The following SYNE1 variants were observed in gnomAD, a reference collection of about 807,000 sequenced individuals.
SYNE1 encodes the protein spectrin repeat containing nuclear envelope protein 1.
SYNE1 carries 616 observed loss-of-function variants against 1,111.0 expected under a neutral mutation model. That is an observed-to-expected ratio of 0.55 (90% CI 0.52 to 0.59). The LOEUF (loss-of-function observed/expected upper bound fraction) is 0.59. SYNE1 is among the 20% of genes least tolerant of loss of function. The pLI, the probability that SYNE1 is intolerant of heterozygous loss-of-function variation, is 0.00. For missense variants in SYNE1, 10,006 were observed against 10,417.0 expected, an observed-to-expected ratio of 0.96 and a Z score of 1.72; for synonymous variants, 3,855 against 3,825.8, an observed-to-expected ratio of 1.01 and a Z score of -0.28.
Position 152,331,463 on chromosome 6 carries a change from C to T in SYNE1, c.13222G>A (p.Ala4408Thr), listed in dbSNP as rs368709678. Residue 4408 changes from alanine (A) to threonine (T), a missense_variant, in exon 78 of 146, where the codon GCA becomes ACA. Coordinates refer to ENST00000367255, the MANE Select transcript of SYNE1 (RefSeq NM_182961.4). ...QMLLKSLIKDADRVMADLGLN... is the reference protein window; with the variant it reads ...QMLLKSLIKDTDRVMADLGLN... ...CCAAGATCTGCCATGACCCTGTCTGCGTCCTTTATAAGCGATTTCAGGAGC... is the reference window on the plus strand; with the variant it reads ...CCAAGATCTGCCATGACCCTGTCTGTGTCCTTTATAAGCGATTTCAGGAGC... 57 of 1,614,038 alleles carry T rather than the reference C, an allele frequency of 3.5e-5. No homozygotes were observed. The Middle Eastern group carries it at 8.2e-4, about 23-fold the overall frequency.
Position 152,391,326 on chromosome 6 carries a change from C to T in SYNE1, c.7955G>A (p.Ser2652Asn). The change falls in exon 52 of 146, where the codon AGC (serine) becomes AAC (asparagine). Residue 2652 changes from serine to asparagine, a missense_variant. This residue lies in a region of SYNE1 where 4,955 missense variants were observed against 5,017.2 expected (regional missense o/e 0.99). Transcript: ENST00000367255. ...CAGGGTGTCTTTGCTCCCAAGAGTGCTCTCTGCACAGGCCAGTCTGTCCTG... is the reference window on the plus strand; with the variant it reads ...CAGGGTGTCTTTGCTCCCAAGAGTGTTCTCTGCACAGGCCAGTCTGTCCTG... ...AIQDRLACAE[S>N]TLGSKDTLEK... The T allele has an allele frequency of 6.2e-7, 1 of 1,614,066 alleles. No homozygotes were observed. Among genetic ancestry groups the T allele is most frequent in the Non-Finnish European group, 8.5e-7 (1 of 1,180,018 alleles).
In SYNE1 at chr6:152,353,670, G is replaced by A. The variant is rs750318922; in HGVS notation, c.11001C>T (p.Asp3667=). ...CCATTCTGCTGTTCACGTGGCTCTCGTCCAGTATCTCCTGAGCTCTAGCTC... is the reference window on the plus strand; with the variant it reads ...CCATTCTGCTGTTCACGTGGCTCTCATCCAGTATCTCCTGAGCTCTAGCTC... ...EVGARAQEIL[D]ESHVNSRMGC... is the part of the protein sequence containing the mutation. Residue 3667 remains aspartate, a synonymous_variant, in exon 68 of 146, where the codon GAC becomes GAT. Coordinates refer to ENST00000367255, the MANE Select transcript of SYNE1 (RefSeq NM_182961.4). The A allele has an allele frequency of 6.2e-6, 10 of 1,614,028 alleles. No individual in the cohort carries two copies. The highest frequency in any genetic ancestry group is 1.6e-4 in the Middle Eastern group (1 of 6,084).
Position 152,125,387 on chromosome 6 carries a change from A to G in SYNE1, c.26154-2711T>C, listed in dbSNP as rs1257179602. The G allele has an allele frequency of 2.6e-6, 4 of 1,536,598 alleles. No individual in the cohort carries two copies. The African/African-American group carries it at 5.5e-5, about 21-fold the overall frequency. On this transcript the variant is annotated intron_variant, in intron 145 of 145. Transcript: ENST00000367255. Reference sequence around the variant, plus strand: ...AAGGCCTCACAGTATCCTGCAGATCATCAAATCCGTGTGTGGACGTGGGGA... The same window carrying G: ...AAGGCCTCACAGTATCCTGCAGATCGTCAAATCCGTGTGTGGACGTGGGGA...
chr6:152,542,567 A>T (rs1263620068), intron 3 of SYNE1, among the ~76,000 whole-genome samples: 1 of 152,080 alleles, frequency 6.6e-6, no homozygotes, highest in Non-Finnish European at 1.5e-5. Context: ...AACTATTATA[A>T]TGCCCATTTT....
chr6:152,622,299 A>G (rs73003601), intron 3 of SYNE1, among the ~76,000 whole-genome samples: 19,871 of 152,156 alleles, frequency 0.13, 1,584 homozygotes, highest in Admixed American at 0.22. Flanking sequence ...TTAGGGGTAC[A>G]TGTGCAGGTA....
In SYNE1 at chr6:152,466,071, A is replaced by C; in HGVS notation, c.1640T>G (p.Ile547Arg). 1 of 1,597,756 alleles carries C rather than the reference A, an allele frequency of 6.3e-7. No homozygotes were observed. Among genetic ancestry groups the C allele is most frequent in the Non-Finnish European group, 8.6e-7 (1 of 1,165,636 alleles). ...EQLLQNYVSF[I>R]ENSKFFEQYE... ...TTGTTCAAAGAACTTGCTATTTTCT[A>C]TAAAAGACTAGAAAAGGAGGAATGG... The change falls in exon 17 of 146, where the codon ATA (isoleucine) becomes AGA (arginine). Residue 547 changes from isoleucine (I) to arginine (R), a missense_variant. Physicochemically the swap from Ile to Arg is moderately conservative, Grantham distance 97 (BLOSUM62 -3). This residue lies in a region of SYNE1 where 1,971 missense variants were observed against 2,084.1 expected (regional missense o/e 0.95). Coordinates refer to ENST00000367255, the MANE Select transcript of SYNE1 (RefSeq NM_182961.4).
chr6:152,331,461 T>C lies in SYNE1; in HGVS notation c.13224A>G (p.Ala4408=). 5 of 1,614,186 alleles carry C rather than the reference T, an allele frequency of 3.1e-6. No homozygotes were observed. The highest frequency in any genetic ancestry group is 4.2e-6 in the Non-Finnish European group (5 of 1,180,030). ...QMLLKSLIKD[A]DRVMADLGLN... ...GACCAAGATCTGCCATGACCCTGTC[T>C]GCGTCCTTTATAAGCGATTTCAGGA... is the stretch of plus-strand genomic sequence containing the variant. The change falls in exon 78 of 146, where the codon GCA becomes GCG. Residue 4408 remains alanine (A), a synonymous_variant. Coordinates refer to ENST00000367255, the MANE Select transcript of SYNE1 (RefSeq NM_182961.4).
intron 11 of SYNE1, among the ~76,000 whole-genome samples, chr6:152,488,732 T>C (rs529851293): frequency 6.6e-6 from 1 of 152,018 alleles, no homozygotes; most frequent in Admixed American, 6.6e-5. Flanking sequence ...ACTCCATTTT[T>C]TTTTTGCCAA....
At chr6:152,483,035 G>C (rs1320039891) in intron 14 of SYNE1, 50 bp downstream of exon 14, 1 of 1,610,640 alleles carries the variant, frequency 6.2e-7, no homozygotes, top group African/African-American at 1.3e-5. Context: ...TACCTCTCCA[G>C]ACCACAGTAG....
At chr6:152,433,180 A>C (rs957832000) in intron 34 of SYNE1, among the ~76,000 whole-genome samples, 5 of 152,098 alleles carry the variant, frequency 3.3e-5, no homozygotes, top group African/African-American at 1.2e-4. Context: ...TAAACACTCC[A>C]AGCCCCTGTA....
At chr6:152,454,555 C>T (rs1467020777) in intron 24 of SYNE1, among the ~76,000 whole-genome samples, 1 of 152,188 alleles carries the variant, frequency 6.6e-6, no homozygotes, top group Non-Finnish European at 1.5e-5. Context: ...TTGCTTTAGC[C>T]ACCCGTCTAT....
Position 152,162,731 on chromosome 6 carries a change from G to T in SYNE1, c.23790+1432C>A, listed in dbSNP as rs1450690786. Among the ~76,000 whole-genome samples, 3 of 152,102 alleles carry T rather than the reference G, an allele frequency of 2.0e-5. No individual in the cohort carries two copies. In the East Asian group the frequency reaches 5.8e-4, roughly 29 times the overall value. ...ATGTTTCAAGATAGCTAGAAGAGAA[G>T]ATTTTGAGTATTGTAAGAAATGATA... is the stretch of plus-strand genomic sequence containing the variant. On this transcript the variant is annotated intron_variant, in intron 131 of 145. Transcript: ENST00000367255.
intron 42 of SYNE1, chr6:152,410,499 T>G (rs1246946034): frequency 6.6e-6 from 1 of 151,956 alleles, no homozygotes; most frequent in East Asian, 1.9e-4. Context: ...TTGCGAGTGC[T>G]CAAGGCAGGC....
At chr6:152,494,935 T>A (rs566806070) in intron 11 of SYNE1, among the ~76,000 whole-genome samples, 32 of 152,242 alleles carry the variant, frequency 2.1e-4, no homozygotes, top group African/African-American at 7.7e-4. Context: ...TCACTCCTAC[T>A]CACTCTCCCA....
intron 48 of SYNE1, among the ~76,000 whole-genome samples, 183 bp downstream of exon 48, chr6:152,399,433 A>G (rs1341300632): frequency 6.6e-6 from 1 of 152,192 alleles, no homozygotes; most frequent in Non-Finnish European, 1.5e-5. Context: ...GAAAGAAAAA[A>G]TTCTGCATAG....
intron 103 of SYNE1, 40 bp downstream of exon 103, chr6:152,255,551 G>A: frequency 6.2e-7 from 1 of 1,610,118 alleles, no homozygotes; most frequent in Non-Finnish European, 8.5e-7. Context: ...CAAGTGCTTT[G>A]TAATGTTATA....
At chr6:152,505,703 G>A (rs1266907386) in intron 8 of SYNE1, among the ~76,000 whole-genome samples, 1 of 152,188 alleles carries the variant, frequency 6.6e-6, no homozygotes, top group African/African-American at 2.4e-5. Flanking sequence ...TCTACCAGCT[G>A]AGCTATTGAA....
chr6:152,155,917 T>A lies in SYNE1; in HGVS notation c.23971A>T (p.Arg7991Trp), dbSNP rs1255285162. 6.2e-7 allele frequency: 1 copy of A among 1,614,046 alleles called. No homozygotes were observed. Among genetic ancestry groups the A allele is most frequent in the Non-Finnish European group, 8.5e-7 (1 of 1,179,994 alleles). ...TTCAGCATCCCAGCTCACTTCAGCC[T>A]CCTTTCCATGGACATAGCACAAATG... ...RNICAMSMERRLKIEETWRLW... is the reference protein window; with the variant it reads ...RNICAMSMERWLKIEETWRLW... The change falls in exon 132 of 146, where the codon AGG (arginine) becomes TGG (tryptophan). Residue 7991 changes from arginine to tryptophan, a missense_variant. By Grantham distance (101) the Arg-to-Trp change is moderately radical. Transcript: ENST00000367255.
chr6:152,344,519 A>G (rs1429463369), intron 73 of SYNE1, among the ~76,000 whole-genome samples: 1 of 152,242 alleles, frequency 6.6e-6, no homozygotes, highest in African/African-American at 2.4e-5. Context: ...AATACATAAA[A>G]TCATTGAAGT....
Sources: gnomAD v4.1 joint callset for allele counts (sites outside exome capture counted in the v4.1 genomes callset) on GRCh38, gnomAD v4.1.1 for gene constraint, gnomAD v4.1.1 regional missense constraint, MANE v1.5 for transcripts, NCBI Gene and HGNC (gene_info 2026-07-23, HGNC 2026-07-21) for gene names.